Variants in CSNK1G1 observed in about 807,000 individuals in gnomAD.
The protein encoded by CSNK1G1 is casein kinase 1 gamma 1.
Under a neutral mutation model 59.6 loss-of-function variants are expected in CSNK1G1, and 22 were observed. That is an observed-to-expected ratio of 0.37 (90% CI 0.26 to 0.53). The LOEUF (loss-of-function observed/expected upper bound fraction) is 0.53, where lower values mean the gene tolerates loss of function less well. Among genes scored for constraint, CSNK1G1 ranks in the 20% least tolerant of loss-of-function variants. CSNK1G1 has a pLI of 0.89. For synonymous variants in CSNK1G1, 179 were observed against 177.1 expected, an observed-to-expected ratio of 1.01 and a Z score of -0.08; for missense variants, 384 against 519.5, an observed-to-expected ratio of 0.74 and a Z score of 2.54.
chr15:64,283,710 T>A (rs1894265154), intron 2 of CSNK1G1, among the ~76,000 whole-genome samples: 1 of 152,208 alleles, frequency 6.6e-6, no homozygotes, highest in South Asian at 2.1e-4. Flanking sequence ...CTCAAACTCC[T>A]GACCTCAAGT....
chr15:64,203,123 G>C lies in CSNK1G1; in HGVS notation c.1066C>G (p.His356Asp). Residue 356 changes from histidine (H) to aspartate (D), a missense_variant, in exon 10 of 12, where the codon CAT (histidine) becomes GAT (aspartate). Physicochemically the swap from His to Asp is moderately conservative, Grantham distance 81 (BLOSUM62 -1). Around this residue, in one of 3 missense-constraint regions of CSNK1G1, gnomAD observed 325 missense variants for 440.9 expected, o/e 0.74. Coordinates refer to ENST00000303052, the MANE Select transcript of CSNK1G1 (RefSeq NM_022048.5). ...TGCTGTTGTGATGGCCGATCCCTAT[G>C]TGTGTGGCTTTCTCGAGTTATTGCA... ...ASAITRESHT[H>D]RDRPSQQQPL... is the part of the protein sequence containing the mutation. 1.2e-6 allele frequency: 2 copies of C among 1,614,110 alleles called. No individual in the cohort carries two copies. The highest frequency in any genetic ancestry group is 2.2e-5 in the South Asian group (2 of 91,088).
intron 2 of CSNK1G1, among the ~76,000 whole-genome samples, chr15:64,295,366 A>G (rs79013504): frequency 0.015 from 2,319 of 152,256 alleles, 54 homozygotes; most frequent in African/African-American, 0.046. Context: ...CATCTTCCTC[A>G]TTTATAAGGT....
At chr15:64,314,185 C>A (rs1413575599) in intron 1 of CSNK1G1, among the ~76,000 whole-genome samples, 2 of 152,142 alleles carry the variant, frequency 1.3e-5, no homozygotes, top group African/African-American at 4.8e-5. Flanking sequence ...GGTGAGATCA[C>A]AGTGCAATGC....
In CSNK1G1 at chr15:64,281,037, G is replaced by A. The variant is rs144771016; in HGVS notation, c.181+19282C>T. On this transcript the variant is annotated intron_variant, in intron 2 of 11. Transcript: ENST00000303052. ...TGGGACTACAGGCACCCGCCACCACGCCCGGCTAATTTTTTGTATTTTTAG... is the reference window on the plus strand; with the variant it reads ...TGGGACTACAGGCACCCGCCACCACACCCGGCTAATTTTTTGTATTTTTAG... Among the ~76,000 whole-genome samples the A allele has an allele frequency of 4.7e-3, 707 of 151,932 alleles. 7 individuals are homozygous for A. The highest frequency in any genetic ancestry group is 0.015 in the African/African-American group (623 of 41,456).
At chr15:64,204,699 G>C (rs1310899189) in intron 8 of CSNK1G1, 110 bp from the exon 9 acceptor site, 2 of 1,273,632 alleles carry the variant, frequency 1.6e-6, no homozygotes, top group Non-Finnish European at 2.2e-6. Context: ...ATTTGACACT[G>C]ATGTTTTCTT....
intron 3 of CSNK1G1, 78 bp downstream of exon 3, chr15:64,259,123 C>T (rs1892551779): frequency 2.3e-6 from 3 of 1,286,924 alleles, no homozygotes; most frequent in Non-Finnish European, 3.2e-6. Flanking sequence ...CGAATGAATG[C>T]TTAAAACTAT....
chr15:64,212,652 T>C (rs1219203113), intron 6 of CSNK1G1, among the ~76,000 whole-genome samples: 2 of 152,186 alleles, frequency 1.3e-5, no homozygotes, highest in African/African-American at 4.8e-5. Flanking sequence ...GAGGTTATAG[T>C]GAGCTATGAT....
rs2081629257 is a variant in CSNK1G1 at position 64,168,587 on chromosome 15, GA to G, written c.*3343del. 1 of 152,184 alleles carries G rather than the reference GA, an allele frequency of 6.6e-6. No homozygotes were observed. Among genetic ancestry groups the G allele is most frequent in the Non-Finnish European group, 1.5e-5 (1 of 68,038 alleles). The allele number at this position is 152,184 out of a possible 1,614,324, so 9.4% of individuals were successfully genotyped here. Reference sequence around the variant, plus strand: ...GAATAGATGCTGAGTTAGCTTTCAGGAAAAACAACTGCATCAATCCTAAAGA... The same window carrying G: ...GAATAGATGCTGAGTTAGCTTTCAGGAAAACAACTGCATCAATCCTAAAGA... On this transcript the variant is annotated 3_prime_UTR_variant, in exon 12 of 12. Transcript: ENST00000303052.
At chr15:64,254,307 G>C (rs1892251627) in intron 3 of CSNK1G1, among the ~76,000 whole-genome samples, 1 of 151,866 alleles carries the variant, frequency 6.6e-6, no homozygotes, top group Admixed American at 6.6e-5. Context: ...GAGATGGATG[G>C]TGGTGATGGT....
intron 2 of CSNK1G1, among the ~76,000 whole-genome samples, chr15:64,278,797 G>C (rs1262469396): frequency 6.6e-6 from 1 of 152,124 alleles, no homozygotes; most frequent in African/African-American, 2.4e-5. Context: ...AGTATAATGA[G>C]AACTTCATAG....
intron 4 of CSNK1G1, among the ~76,000 whole-genome samples, chr15:64,245,071 CT>C (rs1258256704): frequency 3.3e-5 from 5 of 151,712 alleles, no homozygotes; most frequent in Admixed American, 6.6e-5. Flanking sequence ...AACTAGACCC[CT>C]ATCTCTAACT....
At chr15:64,236,980 A>T (rs2140299061) in intron 4 of CSNK1G1, among the ~76,000 whole-genome samples, 1 of 152,328 alleles carries the variant, frequency 6.6e-6, no homozygotes, top group South Asian at 2.1e-4. Context: ...AGATCCTGTC[A>T]TTTGCAGCAA....
chr15:64,306,432 T>C (rs1266400349), intron 1 of CSNK1G1, among the ~76,000 whole-genome samples: 1 of 152,114 alleles, frequency 6.6e-6, no homozygotes. Context: ...ATTAAAACAA[T>C]GATACCACTA....
At chr15:64,212,524 G>A (rs1289857723) in intron 6 of CSNK1G1, among the ~76,000 whole-genome samples, 2 of 152,130 alleles carry the variant, frequency 1.3e-5, no homozygotes, top group African/African-American at 2.4e-5. Context: ...AGACCCGCCT[G>A]GGGAACACAG....
chr15:64,231,446 T>TATATAC (rs1555501874), intron 4 of CSNK1G1, among the ~76,000 whole-genome samples: 2 of 148,632 alleles, frequency 1.3e-5, no homozygotes, highest in African/African-American at 4.9e-5. Flanking sequence ...TATATATATA[T>TATATAC]ACACACACAC....
intron 2 of CSNK1G1, among the ~76,000 whole-genome samples, chr15:64,260,717 A>C (rs939258174): frequency 6.6e-6 from 1 of 152,134 alleles, no homozygotes; most frequent in Non-Finnish European, 1.5e-5. Flanking sequence ...CAGCCTGGGC[A>C]ACAGAGTGAG....
At chr15:64,238,518 A>AATATATATATATATATATATATATATAT (rs1212005568) in intron 4 of CSNK1G1, among the ~76,000 whole-genome samples, 2 of 49,246 alleles carry the variant, frequency 4.1e-5, no homozygotes, top group African/African-American at 1.2e-4. Flanking sequence ...AAAAAAAAAA[A>AATATATATATATATATATATATATATAT]ATATATATAT....
chr15:64,197,117 G>C (rs147098563), intron 10 of CSNK1G1, among the ~76,000 whole-genome samples: 10 of 152,132 alleles, frequency 6.6e-5, no homozygotes, highest in Middle Eastern at 3.2e-3. Context: ...CTCTTACAAG[G>C]CTCCAATTTG....
chr15:64,200,442 T>G lies in CSNK1G1; in HGVS notation c.1107+2640A>C, dbSNP rs917202303. ...CTCACTGCAACCTCCACCTCCCAGG[T>G]TCAAGTGACTCTCCTGCCTCAGCCT... On this transcript the variant is annotated intron_variant, in intron 10 of 11. Coordinates refer to ENST00000303052, the MANE Select transcript of CSNK1G1 (RefSeq NM_022048.5). This position sits in a 1 kb window ranked among gnomAD's most constrained non-coding sequence, Gnocchi z 4.3. Among the ~76,000 whole-genome samples the G allele has an allele frequency of 6.6e-6, 1 of 152,046 alleles. No homozygotes were observed. The highest frequency in any genetic ancestry group is 1.5e-5 in the Non-Finnish European group (1 of 68,008).
Sources: gnomAD v4.1 joint callset for allele counts (sites outside exome capture counted in the v4.1 genomes callset) on GRCh38, gnomAD v4.1.1 for gene constraint, gnomAD v4.1.1 regional missense constraint, Gnocchi (gnomAD v3.1) non-coding constraint, MANE v1.5 for transcripts, NCBI Gene and HGNC (gene_info 2026-07-23, HGNC 2026-07-21) for gene names.